PTGFR: variants seen among roughly 807,000 people sequenced by gnomAD.
PTGFR encodes the protein prostaglandin F receptor.
PTGFR carries 15 observed loss-of-function variants against 26.2 expected under a neutral mutation model. The ratio of observed to expected loss-of-function variants is 0.57; its 90% confidence interval spans 0.38 to 0.88. PTGFR has a LOEUF of 0.88. PTGFR is among the 40% of genes least tolerant of loss of function. The pLI is 0.00. For synonymous variants in PTGFR, 165 were observed against 151.1 expected (o/e 1.09, Z -0.68); for missense variants, 369 against 427.2 (o/e 0.86, Z 1.20).
intron 2 of PTGFR, among the ~76,000 whole-genome samples, chr1:78,511,089 C>G (rs1346449220): frequency 1.3e-5 from 2 of 152,206 alleles, no homozygotes; most frequent in African/African-American, 4.8e-5. Flanking sequence ...AGTTGAGTGC[C>G]TGTGGCTTTT....
rs962836359 is a variant in PTGFR at position 78,513,505 on chromosome 1, G to A, written c.798+19964G>A. 3.3e-5 allele frequency among the ~76,000 whole-genome samples: 5 copies of A among 152,184 alleles called. No individual in the cohort carries two copies. In the East Asian group the frequency reaches 9.6e-4, roughly 29 times the overall value. On this transcript the variant is annotated intron_variant, in intron 2 of 2. Coordinates refer to ENST00000370757, the MANE Select transcript of PTGFR (RefSeq NM_000959.4). ...CAGCAAAGCATTTAAGAAATGGCAT[G>A]ACTACTTCTAACAACTTATAATCAG...
intron 2 of PTGFR, among the ~76,000 whole-genome samples, chr1:78,525,484 A>C (rs1388559124): frequency 6.6e-6 from 1 of 152,084 alleles, no homozygotes; most frequent in Admixed American, 6.6e-5. Flanking sequence ...CTGAGCTTCC[A>C]TGTCCTTAGG....
intron 2 of PTGFR, among the ~76,000 whole-genome samples, chr1:78,528,446 C>T (rs151318371): frequency 2.0e-5 from 3 of 151,906 alleles, no homozygotes; most frequent in Admixed American, 6.6e-5. Context: ...TTTTTTGTCC[C>T]GACCAGAAGT....
intron 2 of PTGFR, among the ~76,000 whole-genome samples, chr1:78,509,625 C>CT (rs1421575646): frequency 3.3e-5 from 5 of 152,096 alleles, no homozygotes; most frequent in African/African-American, 1.2e-4. Flanking sequence ...ATAATGGTGG[C>CT]TTTTTTGTTA....
rs998269184 is a variant in PTGFR at position 78,540,528 on chromosome 1, G to T, written c.*3841G>T. Among the ~76,000 whole-genome samples the T allele has an allele frequency of 1.6e-4, 24 of 152,006 alleles. No individual in the cohort carries two copies. The highest frequency in any genetic ancestry group is 5.8e-4 in the African/African-American group (24 of 41,408). ...TCTTGTAATCTGTAAAGATAAGGTA[G>T]AATAAATGAACTAAAAGAAATTTTA... On this transcript the variant is annotated 3_prime_UTR_variant, in exon 3 of 3. Transcript: ENST00000370757.
intron 2 of PTGFR, among the ~76,000 whole-genome samples, chr1:78,506,666 G>A (rs1649834500): frequency 6.6e-6 from 1 of 152,022 alleles, no homozygotes; most frequent in South Asian, 2.1e-4. Flanking sequence ...AGGATACTGA[G>A]TATAGTCTAA....
Position 78,536,946 on chromosome 1 carries a change from T to A in PTGFR, c.*259T>A. On this transcript the variant is annotated 3_prime_UTR_variant, in exon 3 of 3. Transcript: ENST00000370757. ...GTCACACTGAAAGCAATTTTGAGCT[T>A]ATCTGTCTTATTTATGCTTTGAGTG... is the stretch of plus-strand genomic sequence containing the variant. The A allele has an allele frequency of 2.3e-6, 1 of 439,578 alleles. No individual in the cohort carries two copies. The highest frequency in any genetic ancestry group is 4.0e-6 in the Non-Finnish European group (1 of 247,158). The allele number at this position is 439,578 out of a possible 1,614,324, so 27.2% of individuals were successfully genotyped here. A position where few individuals can be genotyped will look rare whatever the true frequency, so the allele number is the denominator to read the frequency against.
chr1:78,520,324 G>T (rs1468845440), intron 2 of PTGFR, among the ~76,000 whole-genome samples: 2 of 152,060 alleles, frequency 1.3e-5, no homozygotes, highest in South Asian at 4.2e-4. Flanking sequence ...TTTAAGTGAG[G>T]CCATTTTTGT....
chr1:78,517,273 C>T (rs1479838178), intron 2 of PTGFR, among the ~76,000 whole-genome samples: 1 of 152,064 alleles, frequency 6.6e-6, no homozygotes, highest in Non-Finnish European at 1.5e-5. Context: ...GTTCTAGATG[C>T]TAGGACAGTG....
At chr1:78,497,155 A>C (rs1649573314) in intron 2 of PTGFR, among the ~76,000 whole-genome samples, 2 of 152,104 alleles carry the variant, frequency 1.3e-5, no homozygotes. Flanking sequence ...TCCTCCTCCT[A>C]GTAATTGAAA....
At chr1:78,515,814 C>A (rs912911154) in intron 2 of PTGFR, among the ~76,000 whole-genome samples, 1 of 152,128 alleles carries the variant, frequency 6.6e-6, no homozygotes, top group African/African-American at 2.4e-5. Flanking sequence ...TCATATGTTT[C>A]TACTCTGTTT....
chr1:78,528,963 C>A (rs1372840917), intron 2 of PTGFR, among the ~76,000 whole-genome samples: 1 of 152,044 alleles, frequency 6.6e-6, no homozygotes, highest in South Asian at 2.1e-4. Flanking sequence ...CACAGCGAAC[C>A]AATGCACACA....
intron 2 of PTGFR, among the ~76,000 whole-genome samples, chr1:78,530,638 T>C (rs1441839110): frequency 7.2e-5 from 11 of 152,146 alleles, no homozygotes; most frequent in Non-Finnish European, 1.5e-5. Flanking sequence ...CATCTTAAAG[T>C]AGAGATAATA....
Position 78,539,017 on chromosome 1 carries a change from A to G in PTGFR, c.*2330A>G, listed in dbSNP as rs1650727957. ...TAGTGAATTTTTCTAAAAAGATGAG[A>G]CAAAAGCAAAAATATCACACATAGG... is the stretch of plus-strand genomic sequence containing the variant. On this transcript the variant is annotated 3_prime_UTR_variant, in exon 3 of 3. Coordinates refer to ENST00000370757, the MANE Select transcript of PTGFR (RefSeq NM_000959.4). The G allele has an allele frequency of 2.0e-5, 3 of 152,036 alleles. No individual in the cohort carries two copies. The South Asian group carries it at 6.2e-4, about 32-fold the overall frequency. The allele number at this position is 152,036 out of a possible 1,614,324, so 9.4% of individuals were successfully genotyped here. A position where few individuals can be genotyped will look rare whatever the true frequency, so the allele number is the denominator to read the frequency against.
intron 2 of PTGFR, among the ~76,000 whole-genome samples, chr1:78,493,784 T>C (rs1379963168): frequency 6.6e-6 from 1 of 152,246 alleles, no homozygotes; most frequent in Non-Finnish European, 1.5e-5. Context: ...TGCAAAGCAG[T>C]GTAGTTCTAA....
intron 2 of PTGFR, among the ~76,000 whole-genome samples, chr1:78,524,219 C>A (rs1372164725): frequency 6.6e-6 from 1 of 152,052 alleles, no homozygotes; most frequent in Non-Finnish European, 1.5e-5. Context: ...CCCATCCCTT[C>A]CACACCATAC....
intron 2 of PTGFR, among the ~76,000 whole-genome samples, chr1:78,501,659 T>C (rs914351876): frequency 1.2e-4 from 18 of 152,318 alleles, no homozygotes; most frequent in African/African-American, 4.1e-4. Context: ...AATTGGATTA[T>C]GTAAAATGAA....
rs1187867684 is a variant in PTGFR at position 78,538,749 on chromosome 1, A to AT, written c.*2068dup. ...ACATAAATGTTCAAAATAGAAGTGT[A>AT]TTTTTTCAGGTTTCTGGAAATAAAT... On this transcript the variant is annotated 3_prime_UTR_variant, in exon 3 of 3. Coordinates refer to ENST00000370757, the MANE Select transcript of PTGFR (RefSeq NM_000959.4). 6.6e-6 allele frequency: 1 copy of AT among 152,010 alleles called. No homozygotes were observed. Among genetic ancestry groups the AT allele is most frequent in the African/African-American group, 2.4e-5 (1 of 41,400 alleles). 9.4% of individuals were successfully genotyped at this position (152,010 alleles called of 1,614,324 possible). A position where few individuals can be genotyped will look rare whatever the true frequency, so the allele number is the denominator to read the frequency against.
chr1:78,525,338 T>C (rs1307312840), intron 2 of PTGFR, among the ~76,000 whole-genome samples: 1 of 152,004 alleles, frequency 6.6e-6, no homozygotes, highest in Non-Finnish European at 1.5e-5. Context: ...CACTACCCTC[T>C]TGAATTTGAT....
Sources: allele counts gnomAD v4.1 joint callset (sites outside exome capture counted in the v4.1 genomes callset), GRCh38; gene constraint gnomAD v4.1.1; transcripts MANE v1.5; gene names NCBI Gene and HGNC (gene_info 2026-07-23, HGNC 2026-07-21).